Variants in NR3C2 observed in about 807,000 individuals in gnomAD.
NR3C2 encodes mineralocorticoid receptor.
NR3C2 carries 15 observed loss-of-function variants against 86.4 expected under a neutral mutation model. That is an observed-to-expected ratio of 0.17 (90% CI 0.12 to 0.27). NR3C2 has a LOEUF of 0.27. Ranked by LOEUF, NR3C2 falls within the 10% of genes least tolerant of loss-of-function variation. The pLI, the probability that NR3C2 is intolerant of heterozygous loss-of-function variation, is 1.00. For missense variants in NR3C2, 960 were observed against 1,195.6 expected, an observed-to-expected ratio of 0.80 and a Z score of 2.91; for synonymous variants, 458 against 450.5, an observed-to-expected ratio of 1.02 and a Z score of -0.21.
intron 2 of NR3C2, among the ~76,000 whole-genome samples, chr4:148,291,130 T>G (rs191276215): frequency 1.6e-4 from 25 of 152,272 alleles, no homozygotes; most frequent in African/African-American, 6.0e-4. Context: ...ACTTGTTACT[T>G]AAAATGAATG....
chr4:148,088,396 T>C (rs2149707613), intron 8 of NR3C2, among the ~76,000 whole-genome samples: 1 of 152,230 alleles, frequency 6.6e-6, no homozygotes, highest in African/African-American at 2.4e-5. Context: ...AATCATTCTA[T>C]TATAAAGACA....
intron 3 of NR3C2, among the ~76,000 whole-genome samples, chr4:148,248,057 A>T (rs1025776327): frequency 2.0e-5 from 3 of 152,200 alleles, no homozygotes; most frequent in Non-Finnish European, 4.4e-5. Context: ...ATAAATCCTA[A>T]TCTGATGTGT....
chr4:148,349,462 C>T (rs1003844341), intron 2 of NR3C2, among the ~76,000 whole-genome samples: 4 of 151,960 alleles, frequency 2.6e-5, no homozygotes, highest in African/African-American at 4.8e-5. Context: ...GAAAACAAAC[C>T]TAAAAGAAAA....
chr4:148,272,183 G>A (rs985564192), intron 2 of NR3C2, among the ~76,000 whole-genome samples: 2 of 152,080 alleles, frequency 1.3e-5, no homozygotes, highest in Non-Finnish European at 1.5e-5. Context: ...GTGGCGGTTT[G>A]CAGACAAATC....
chr4:148,194,579 A>G (rs906649801), intron 4 of NR3C2, among the ~76,000 whole-genome samples, 167 bp downstream of exon 4: 1 of 152,234 alleles, frequency 6.6e-6, no homozygotes, highest in African/African-American at 2.4e-5. Flanking sequence ...ACTCCAGCTA[A>G]TAAATATTTC....
At chr4:148,126,273 C>T (rs1287232742) in intron 6 of NR3C2, among the ~76,000 whole-genome samples, 4 of 152,148 alleles carry the variant, frequency 2.6e-5, no homozygotes, top group African/African-American at 9.7e-5. Context: ...GATGTATGAA[C>T]TAAGTATATG....
chr4:148,260,183 T>C, intron 2 of NR3C2, 66 bp from the exon 3 acceptor site: 1 of 1,598,006 alleles, frequency 6.3e-7, no homozygotes, highest in Non-Finnish European at 8.6e-7. Flanking sequence ...CTGCACAGCT[T>C]AGCTCAAAAT....
intron 8 of NR3C2, among the ~76,000 whole-genome samples, chr4:148,113,850 G>A (rs369128585): frequency 6.6e-6 from 1 of 152,116 alleles, no homozygotes; most frequent in East Asian, 1.9e-4. Context: ...TAACCTGAAT[G>A]CTTTTTATAA....
At chr4:148,121,693 TAC>T (rs1198835185) in intron 6 of NR3C2, among the ~76,000 whole-genome samples, 2 of 152,210 alleles carry the variant, frequency 1.3e-5, no homozygotes, top group Non-Finnish European at 2.9e-5. Flanking sequence ...AAAAACAGCA[TAC>T]AGTACTGCTT....
At chr4:148,090,424 A>AAAG (rs1408627710) in intron 8 of NR3C2, among the ~76,000 whole-genome samples, 1 of 152,218 alleles carries the variant, frequency 6.6e-6, no homozygotes, top group Admixed American at 6.5e-5. Context: ...ACATCCCCAA[A>AAAG]AAGTTATACA....
intron 2 of NR3C2, among the ~76,000 whole-genome samples, chr4:148,416,925 G>A (rs1405906540): frequency 2.0e-5 from 3 of 151,712 alleles, no homozygotes; most frequent in Non-Finnish European, 4.4e-5. Flanking sequence ...ACAGGTGCCT[G>A]CCACCATGCC....
rs1560909408 is a variant in NR3C2 at position 148,080,863 on chromosome 4, AT to A, written c.*480del. 3.1e-6 allele frequency: 1 copy of A among 324,922 alleles called. No homozygotes were observed. Among genetic ancestry groups the A allele is most frequent in the South Asian group, 2.0e-5 (1 of 50,322 alleles). 20.1% of individuals were successfully genotyped at this position (324,922 alleles called of 1,614,324 possible). A position where few individuals can be genotyped will look rare whatever the true frequency, so the allele number is the denominator to read the frequency against. On this transcript the variant is annotated 3_prime_UTR_variant, in exon 9 of 9. Transcript: ENST00000358102. ...GTTATTACACAACAGGAATCTGTATATATTTTTTTATTATTTTTTTGTGTTT... is the reference window on the plus strand; with the variant it reads ...GTTATTACACAACAGGAATCTGTATAATTTTTTTATTATTTTTTTGTGTTT...
rs557261728 is a variant in NR3C2, at chr4:148,369,100, G to A, written c.1757+66004C>T. 2.0e-5 allele frequency among the ~76,000 whole-genome samples: 3 copies of A among 152,318 alleles called. No individual in the cohort carries two copies. The East Asian group carries it at 5.8e-4, about 29-fold the overall frequency. On this transcript the variant is annotated intron_variant, in intron 2 of 8. Transcript: ENST00000358102. The stretch of plus-strand genomic sequence containing the variant: ...ATTCCTGGGAAGAAGTGGGGCTGGG[G>A]CTGGTCACACTTGGCAACTACCTGT...
intron 1 of NR3C2, among the ~76,000 whole-genome samples, chr4:148,441,193 A>G (rs1036077479): frequency 2.0e-5 from 3 of 152,202 alleles, no homozygotes; most frequent in African/African-American, 7.2e-5. Flanking sequence ...AAAATCGCCA[A>G]ACAAAACTAT....
chr4:148,408,507 T>TCC (rs1213382340), intron 2 of NR3C2, among the ~76,000 whole-genome samples: 10 of 152,196 alleles, frequency 6.6e-5, no homozygotes, highest in South Asian at 2.1e-4. Flanking sequence ...ATTCTGTTTC[T>TCC]TTATACTCCA....
At chr4:148,308,177 A>G (rs1413217206) in intron 2 of NR3C2, among the ~76,000 whole-genome samples, 1 of 152,124 alleles carries the variant, frequency 6.6e-6, no homozygotes, top group Non-Finnish European at 1.5e-5. Flanking sequence ...CTTGAGGGTA[A>G]CATCTACGGA....
intron 3 of NR3C2, among the ~76,000 whole-genome samples, chr4:148,213,973 T>C (rs1200604056): frequency 6.6e-6 from 1 of 152,260 alleles, no homozygotes; most frequent in Admixed American, 6.5e-5. Flanking sequence ...TCACTTCTTA[T>C]GGAAGAAAAT....
intron 6 of NR3C2, among the ~76,000 whole-genome samples, chr4:148,134,220 A>G (rs965018834): frequency 6.6e-6 from 1 of 152,244 alleles, no homozygotes; most frequent in Admixed American, 6.5e-5. Context: ...TGTTCAGGAC[A>G]TTATGAACAA....
chr4:148,171,350 G>C (rs978993868), intron 4 of NR3C2, among the ~76,000 whole-genome samples: 1 of 152,272 alleles, frequency 6.6e-6, no homozygotes, highest in East Asian at 1.9e-4. Flanking sequence ...CTTCAATCAC[G>C]AGTGCAGCTT....
Sources: allele counts gnomAD v4.1 joint callset (sites outside exome capture counted in the v4.1 genomes callset), GRCh38; gene constraint gnomAD v4.1.1; transcripts MANE v1.5; gene names NCBI Gene and HGNC (gene_info 2026-07-23, HGNC 2026-07-21).